The following MDGA2 variants were observed in gnomAD, a reference collection of about 807,000 sequenced individuals.
The protein encoded by MDGA2 is MAM domain-containing glycosylphosphatidylinositol anchor protein 2.
A neutral mutation model predicts 117.8 loss-of-function variants in MDGA2; 40 were observed. The observed-to-expected ratio is 0.34, with a 90% CI of 0.26 to 0.44. The LOEUF (loss-of-function observed/expected upper bound fraction) is 0.44, where lower values mean the gene tolerates loss of function less well. Ranked by LOEUF, MDGA2 falls within the 20% of genes least tolerant of loss-of-function variation. The probability of loss-of-function intolerance (pLI) is 1.00; values close to 1 mark genes in which losing one functional copy is unlikely to be tolerated. For synonymous variants in MDGA2, 452 were observed against 439.0 expected (o/e 1.03, Z -0.37); for missense variants, 1,123 against 1,250.6 (o/e 0.90, Z 1.54).
chr14:47,349,327 G>A (rs946685742), intron 1 of MDGA2, among the ~76,000 whole-genome samples: 9 of 152,102 alleles, frequency 5.9e-5, no homozygotes, highest in African/African-American at 2.2e-4. Flanking sequence ...GATCAAATGG[G>A]TTTAACCTCT....
At chr14:47,478,372 T>C (rs1893885833) in intron 1 of MDGA2, among the ~76,000 whole-genome samples, 1 of 152,146 alleles carries the variant, frequency 6.6e-6, no homozygotes, top group South Asian at 2.1e-4. Flanking sequence ...TTCAATTGTA[T>C]TTGAAAATAT....
intron 14 of MDGA2, among the ~76,000 whole-genome samples, chr14:46,858,133 T>C (rs573822927): frequency 1.3e-5 from 2 of 151,342 alleles, no homozygotes; most frequent in South Asian, 4.2e-4. Flanking sequence ...TTTTCTTCAA[T>C]ATTTTCCCCT....
intron 9 of MDGA2, among the ~76,000 whole-genome samples, chr14:46,956,251 C>T (rs1482014188): frequency 6.6e-6 from 1 of 151,912 alleles, no homozygotes; most frequent in Non-Finnish European, 1.5e-5. Context: ...CTACCATGAA[C>T]ATTTCAACTA....
chr14:47,129,491 T>C (rs1238969532), intron 5 of MDGA2, among the ~76,000 whole-genome samples: 1 of 150,454 alleles, frequency 6.6e-6, no homozygotes, highest in Non-Finnish European at 1.5e-5. Context: ...CAGTCTATCA[T>C]TGTTGGACAT....
intron 1 of MDGA2, among the ~76,000 whole-genome samples, chr14:47,598,750 T>C (rs896458238): frequency 6.6e-6 from 1 of 152,178 alleles, no homozygotes; most frequent in Non-Finnish European, 1.5e-5. Flanking sequence ...GTATAGATAG[T>C]GGTGATGGTT....
intron 1 of MDGA2, among the ~76,000 whole-genome samples, chr14:47,599,584 A>G (rs2138875826): frequency 6.6e-6 from 1 of 152,218 alleles, no homozygotes; most frequent in East Asian, 1.9e-4. Flanking sequence ...CTTTGCCTCC[A>G]TTTCCCCCTT....
intron 8 of MDGA2, among the ~76,000 whole-genome samples, chr14:47,022,518 T>A (rs560013689): frequency 2.0e-5 from 3 of 152,166 alleles, no homozygotes; most frequent in African/African-American, 7.2e-5. Flanking sequence ...TAATCTCTTA[T>A]GAGAGAGACA....
intron 1 of MDGA2, among the ~76,000 whole-genome samples, chr14:47,456,449 C>T (rs778876877): frequency 1.4e-5 from 2 of 147,266 alleles, no homozygotes; most frequent in African/African-American, 2.5e-5. Context: ...TGCACCACCA[C>T]GCCTGGCTAA....
Position 47,675,082 on chromosome 14 carries a change from A to G in MDGA2, c.-286T>C, listed in dbSNP as rs994345981. On this transcript the variant is annotated 5_prime_UTR_variant, in exon 1 of 17. Transcript: ENST00000399232. ...AGGAGCCTGGCTTGGACAGCCGAGGAGCAGGAAGTGGCCTCTGACCCAGGA... is the reference window on the plus strand; with the variant it reads ...AGGAGCCTGGCTTGGACAGCCGAGGGGCAGGAAGTGGCCTCTGACCCAGGA... The G allele has an allele frequency of 2.5e-5, 4 of 161,170 alleles. No homozygotes were observed. Among genetic ancestry groups the G allele is most frequent in the African/African-American group, 9.6e-5 (4 of 41,478 alleles). The allele number at this position is 161,170 out of a possible 1,614,324, so 10.0% of individuals were successfully genotyped here.
intron 6 of MDGA2, among the ~76,000 whole-genome samples, chr14:47,073,001 G>T (rs1890350225): frequency 1.3e-5 from 2 of 152,046 alleles, no homozygotes; most frequent in South Asian, 4.2e-4. Context: ...GATTAACATG[G>T]AACTACTTCC....
chr14:47,395,788 A>G (rs1480439809), intron 1 of MDGA2, among the ~76,000 whole-genome samples: 2 of 152,156 alleles, frequency 1.3e-5, no homozygotes, highest in African/African-American at 4.8e-5. Flanking sequence ...TATAACTTTT[A>G]AATCATGTTC....
At chr14:47,557,641 T>C (rs1895709619) in intron 1 of MDGA2, among the ~76,000 whole-genome samples, 1 of 152,190 alleles carries the variant, frequency 6.6e-6, no homozygotes, top group Non-Finnish European at 1.5e-5. Flanking sequence ...AATGTTATAT[T>C]GCATCAAACT....
chr14:46,969,084 A>AT (rs1203262739), intron 8 of MDGA2, among the ~76,000 whole-genome samples: 1 of 152,148 alleles, frequency 6.6e-6, no homozygotes, highest in East Asian at 1.9e-4. Context: ...TGAACTCATT[A>AT]TTTTTTATGG....
Position 47,657,390 on chromosome 14 carries a change from C to T in MDGA2, c.280+17127G>A, listed in dbSNP as rs539089342. Among the ~76,000 whole-genome samples the T allele has an allele frequency of 5.3e-4, 80 of 152,190 alleles. 1 individual carries two copies. The South Asian group carries it at 8.3e-3, about 16-fold the overall frequency. On this transcript the variant is annotated intron_variant, in intron 1 of 16. Transcript: ENST00000399232. The stretch of plus-strand genomic sequence containing the variant: ...TCAATAGACACAAAAGGGAAGAAGC[C>T]GTAGTGAAAATTATAGACATTATCC...
chr14:47,440,956 T>A (rs1892997257), intron 1 of MDGA2, among the ~76,000 whole-genome samples: 1 of 152,114 alleles, frequency 6.6e-6, no homozygotes, highest in African/African-American at 2.4e-5. Context: ...ATTTGGGGAC[T>A]GCAAATACAC....
chr14:46,983,184 A>G (rs1886747515), intron 8 of MDGA2, among the ~76,000 whole-genome samples: 1 of 152,132 alleles, frequency 6.6e-6, no homozygotes, highest in African/African-American at 2.4e-5. Context: ...ACTCCTAAAG[A>G]AATATTCTAA....
chr14:47,219,691 G>C (rs1354688531), intron 2 of MDGA2, among the ~76,000 whole-genome samples: 1 of 151,798 alleles, frequency 6.6e-6, no homozygotes, highest in East Asian at 1.9e-4. Context: ...AACGATAGGT[G>C]GTTATAAATT....
At chr14:46,913,731 C>T (rs568198420) in intron 10 of MDGA2, among the ~76,000 whole-genome samples, 11 of 152,250 alleles carry the variant, frequency 7.2e-5, no homozygotes, top group East Asian at 1.9e-4. Context: ...CCTCAGTGAT[C>T]GTGTCTCTTG....
chr14:47,290,035 G>C (rs879269637), intron 2 of MDGA2, among the ~76,000 whole-genome samples: 1 of 152,050 alleles, frequency 6.6e-6, no homozygotes, highest in Non-Finnish European at 1.5e-5. Context: ...CCTTGTGCAT[G>C]AACTTGCAAA....
Sources: gnomAD v4.1 joint callset for allele counts (sites outside exome capture counted in the v4.1 genomes callset) on GRCh38, gnomAD v4.1.1 for gene constraint, MANE v1.5 for transcripts, NCBI Gene and HGNC (gene_info 2026-07-23, HGNC 2026-07-21) for gene names.